The following PCDH11Y variants were observed in gnomAD, a reference collection of about 807,000 sequenced individuals.
PCDH11Y encodes protocadherin-11 Y-linked.
For missense variants in PCDH11Y, 12 were observed against 224.8 expected, an observed-to-expected ratio of 0.05 and a Z score of 6.05; for synonymous variants, 9 against 83.6, an observed-to-expected ratio of 0.11 and a Z score of 4.87.
chrY:5,273,262 G>A, intron 2 of PCDH11Y, among the ~76,000 whole-genome samples: 2 of 33,270 alleles, frequency 6.0e-5, no homozygotes, highest in Non-Finnish European at 1.5e-4. Flanking sequence ...GGCATAGGTA[G>A]CTCATGATTT....
intron 2 of PCDH11Y, among the ~76,000 whole-genome samples, chrY:5,320,740 A>G (rs1602903926): frequency 1.8e-3 from 62 of 33,814 alleles, no homozygotes; most frequent in African/African-American, 6.9e-3. Context: ...CCAAAATGCA[A>G]GTCACTTGCT....
chrY:5,469,323 AT>A (rs2053311028), intron 2 of PCDH11Y, among the ~76,000 whole-genome samples: 1 of 33,173 alleles, frequency 3.0e-5, no homozygotes, highest in Non-Finnish European at 7.5e-5. Flanking sequence ...GTATAAATCT[AT>A]TTTAATTTAT....
intron 4 of PCDH11Y, among the ~76,000 whole-genome samples, chrY:5,724,801 T>G: frequency 3.0e-5 from 1 of 33,493 alleles, no homozygotes; most frequent in African/African-American, 1.2e-4. Context: ...AGAAATAAAT[T>G]TAACAAAAGT....
chrY:5,220,567 C>T (rs1261483758), intron 2 of PCDH11Y, among the ~76,000 whole-genome samples: 2 of 26,847 alleles, frequency 7.4e-5, no homozygotes, highest in Non-Finnish European at 1.7e-4. Context: ...CCCGCCACCA[C>T]GCCTGGCTAA....
At chrY:5,397,521 C>G in intron 2 of PCDH11Y, among the ~76,000 whole-genome samples, 1 of 31,476 alleles carries the variant, frequency 3.2e-5, no homozygotes, top group Non-Finnish European at 7.6e-5. Context: ...CTGATCTTAG[C>G]AAGGAAGCAT....
At chrY:5,549,385 G>A in intron 3 of PCDH11Y, among the ~76,000 whole-genome samples, 2 of 30,348 alleles carry the variant, frequency 6.6e-5, no homozygotes, top group South Asian at 1.5e-3. Context: ...TTAGAGAAAT[G>A]CAAATCAAAA....
At chrY:5,159,328 A>G (rs2052872594) in intron 2 of PCDH11Y, among the ~76,000 whole-genome samples, 1 of 29,816 alleles carries the variant, frequency 3.4e-5, no homozygotes, top group African/African-American at 1.3e-4. Context: ...GGTAGATTCA[A>G]ACATATACTG....
At chrY:5,170,535 C>A in intron 2 of PCDH11Y, among the ~76,000 whole-genome samples, 1 of 25,742 alleles carries the variant, frequency 3.9e-5, no homozygotes, top group Non-Finnish European at 9.1e-5. Context: ...CAAAGCTGAT[C>A]CTGGGTAATT....
chrY:5,529,333 G>A (rs2053390612), intron 3 of PCDH11Y, among the ~76,000 whole-genome samples: 1 of 32,291 alleles, frequency 3.1e-5, no homozygotes, highest in Non-Finnish European at 7.6e-5. Flanking sequence ...ATCCTGGAAA[G>A]GGTAGTGGCG....
chrY:5,573,404 C>A, intron 3 of PCDH11Y: 1 of 297,939 alleles, frequency 3.4e-6, no homozygotes, highest in Non-Finnish European at 5.1e-6. Flanking sequence ...AAAGCCTGAA[C>A]GACTGCCTGG....
intron 2 of PCDH11Y, among the ~76,000 whole-genome samples, chrY:5,290,280 A>AT (rs2053066034): frequency 3.1e-5 from 1 of 32,028 alleles, no homozygotes; most frequent in Non-Finnish European, 7.6e-5. Context: ...TCTTTTGCCC[A>AT]TTTTTAATTG....
chrY:5,374,413 G>A (rs2053195545), intron 2 of PCDH11Y, among the ~76,000 whole-genome samples: 2 of 24,476 alleles, frequency 8.2e-5, no homozygotes, highest in Non-Finnish European at 1.8e-4. Context: ...CTCTCTCTAT[G>A]TGTGTGTGTG....
intron 4 of PCDH11Y, among the ~76,000 whole-genome samples, chrY:5,620,415 AC>A: frequency 3.3e-5 from 1 of 30,391 alleles, no homozygotes; most frequent in Non-Finnish European, 7.9e-5. Context: ...TAAATAACCT[AC>A]CTACTAAAAA....
In PCDH11Y at chrY:5,173,323, T is replaced by TA. The variant is rs2052889053; in HGVS notation, c.3129+72622dup. Among the ~76,000 whole-genome samples, 3 of 33,269 alleles carry TA rather than the reference T, an allele frequency of 9.0e-5. No individual in the cohort carries two copies. In the South Asian group the frequency reaches 1.9e-3, roughly 22 times the overall value. The allele number at this position is 33,269 out of a possible 37,273, so 89.3% of individuals were successfully genotyped here. A position where few individuals can be genotyped will look rare whatever the true frequency, so the allele number is the denominator to read the frequency against. On this transcript the variant is annotated intron_variant, in intron 2 of 4. Coordinates refer to the PCDH11Y transcript ENST00000400457. ...ATTAATTGGTACTATAAAATTTCAGTAAAAAAGAAATAAGCAAAGGCTGGG... is the reference window on the plus strand; with the variant it reads ...ATTAATTGGTACTATAAAATTTCAGTAAAAAAAGAAATAAGCAAAGGCTGGG...
intron 2 of PCDH11Y, among the ~76,000 whole-genome samples, chrY:5,384,009 A>G: frequency 3.0e-5 from 1 of 33,817 alleles, no homozygotes; most frequent in Non-Finnish European, 7.3e-5. Context: ...CACAAAAATA[A>G]GTACATATTA....
chrY:5,440,737 C>CTATATATA (rs1270510256), intron 2 of PCDH11Y, among the ~76,000 whole-genome samples: 1 of 9,056 alleles, frequency 1.1e-4, no homozygotes, highest in African/African-American at 5.0e-4. Flanking sequence ...TTTTAATAAA[C>CTATATATA]TATATATATA....
At chrY:5,407,651 G>T (rs2053240128) in intron 2 of PCDH11Y, among the ~76,000 whole-genome samples, 8 of 32,673 alleles carry the variant, frequency 2.4e-4, no homozygotes, top group Non-Finnish European at 4.5e-4. Flanking sequence ...CGGTGGCTGA[G>T]GCCTGTAATC....
rs2052930437 is a variant in PCDH11Y at position 5,205,481 on chromosome Y, TTA to T, written c.3129+104789_3129+104790del. On this transcript the variant is annotated intron_variant, in intron 2 of 4. Coordinates refer to the PCDH11Y transcript ENST00000400457. Reference sequence around the variant, plus strand: ...TGAGGTTGTACACAGTGTATATATTTTATATATATATATATACTGAATATATA... The same window carrying T: ...TGAGGTTGTACACAGTGTATATATTTTATATATATATATACTGAATATATA... Among the ~76,000 whole-genome samples the T allele has an allele frequency of 1.3e-3, 31 of 24,336 alleles. No individual in the cohort carries two copies. The South Asian group carries it at 0.028, about 22-fold the overall frequency. 65.3% of individuals were successfully genotyped at this position (24,336 alleles called of 37,273 possible).
intron 2 of PCDH11Y, among the ~76,000 whole-genome samples, chrY:5,355,261 C>CA (rs1602910146): frequency 5.3e-3 from 76 of 14,355 alleles, no homozygotes; most frequent in Middle Eastern, 0.032. Flanking sequence ...AACTCTGTCT[C>CA]AAAAAAAAAA....
Sources: gnomAD v4.1 joint callset for allele counts (sites outside exome capture counted in the v4.1 genomes callset) on GRCh38, gnomAD v4.1.1 for gene constraint, MANE v1.5 for transcripts, NCBI Gene and HGNC (gene_info 2026-07-23, HGNC 2026-07-21) for gene names.